RORB: variants seen among roughly 807,000 people sequenced by gnomAD.
RORB encodes the protein RAR related orphan receptor B, also known as nuclear receptor ROR-beta.
In RORB, 6 loss-of-function variants were observed where a neutral mutation model predicts 59.1. The observed-to-expected ratio is 0.10, with a 90% CI of 0.06 to 0.20. The LOEUF (loss-of-function observed/expected upper bound fraction) is 0.20. Among genes scored for constraint, RORB ranks in the 10% least tolerant of loss-of-function variants. The pLI is 1.00. For synonymous variants in RORB, 215 were observed against 204.5 expected, an observed-to-expected ratio of 1.05 and a Z score of -0.44; for missense variants, 320 against 560.5, an observed-to-expected ratio of 0.57 and a Z score of 4.33.
In RORB at chr9:74,497,956, G is replaced by A. The variant is rs778765083; in HGVS notation, c.-21G>A. 3 of 1,611,670 alleles carry A rather than the reference G, an allele frequency of 1.9e-6. No homozygotes were observed. Among genetic ancestry groups the A allele is most frequent in the Non-Finnish European group, 1.7e-6 (2 of 1,179,412 alleles). On this transcript the variant is annotated 5_prime_UTR_variant, in exon 1 of 10. Transcript: ENST00000376896. ...CTGGGAGCAGCTTCATGACTACGCG[G>A]AGCGGGAGAGCGGCCACACCATGCG...
intron 1 of RORB, among the ~76,000 whole-genome samples, chr9:74,585,833 C>T (rs1396051887): frequency 3.1e-5 from 3 of 96,562 alleles, no homozygotes; most frequent in African/African-American, 9.7e-5. Context: ...CTCGCTCTGT[C>T]GCCCAGACTG....
Position 74,671,897 on chromosome 9 carries a change from C to T in RORB, c.1220C>T (p.Ala407Val), listed in dbSNP as rs1332067414. Residue 407 changes from alanine (A) to valine (V), a missense_variant, in exon 9 of 10, where the codon GCA becomes GTA. Ala to Val is a moderately conservative substitution (Grantham distance 64, BLOSUM62 0). Around this residue, in one of 4 missense-constraint regions of RORB, gnomAD observed 109 missense variants for 171.0 expected, o/e 0.64. Coordinates refer to ENST00000376896, the MANE Select transcript of RORB (RefSeq NM_006914.4). Reference sequence around the variant, plus strand: ...AATCACCTGGATGATGAGACCTTGGCAAAGGTAGGTCCACAGATCACAGAG... The same window carrying T: ...AATCACCTGGATGATGAGACCTTGGTAAAGGTAGGTCCACAGATCACAGAG... ...QKNHLDDETL[A>V]KLIAKIPTIT... is the part of the protein sequence containing the mutation. 6 of 1,583,506 alleles carry T rather than the reference C, an allele frequency of 3.8e-6. No individual in the cohort carries two copies. The highest frequency in any genetic ancestry group is 5.2e-6 in the Non-Finnish European group (6 of 1,154,652).
intron 1 of RORB, among the ~76,000 whole-genome samples, chr9:74,568,138 G>A (rs1410881404): frequency 1.3e-5 from 2 of 152,052 alleles, no homozygotes; most frequent in South Asian, 2.1e-4. Flanking sequence ...TGTTAAGTGG[G>A]TACAGTTTTG....
intron 9 of RORB, among the ~76,000 whole-genome samples, chr9:74,681,861 G>T (rs1824552886): frequency 6.6e-6 from 1 of 152,168 alleles, no homozygotes; most frequent in African/African-American, 2.4e-5. Flanking sequence ...AGTAAAATAA[G>T]CAACTTACTT....
chr9:74,633,891 T>C (rs1202020475), intron 2 of RORB, among the ~76,000 whole-genome samples: 3 of 151,960 alleles, frequency 2.0e-5, no homozygotes, highest in South Asian at 2.1e-4. Context: ...TTTTCAATGG[T>C]GTGGTTGATT....
chr9:74,674,817 A>G (rs1824409687), intron 9 of RORB, among the ~76,000 whole-genome samples: 1 of 152,222 alleles, frequency 6.6e-6, no homozygotes, highest in Non-Finnish European at 1.5e-5. Flanking sequence ...ATTATGATAC[A>G]TAGCGTATTT....
At chr9:74,675,231 G>T (rs1200073651) in intron 9 of RORB, among the ~76,000 whole-genome samples, 3 of 151,350 alleles carry the variant, frequency 2.0e-5, no homozygotes, top group African/African-American at 7.3e-5. Flanking sequence ...ATAATAGTTA[G>T]ATTTGGCTGG....
At chr9:74,567,188 G>A (rs1822482118) in intron 1 of RORB, among the ~76,000 whole-genome samples, 1 of 151,934 alleles carries the variant, frequency 6.6e-6, no homozygotes, top group Non-Finnish European at 1.5e-5. Context: ...ACCACACCCG[G>A]CTAATTTTTT....
intron 1 of RORB, among the ~76,000 whole-genome samples, chr9:74,536,258 C>T (rs1826320787): frequency 6.6e-6 from 1 of 151,364 alleles, no homozygotes; most frequent in South Asian, 2.1e-4. Flanking sequence ...TAAAATACTG[C>T]ATTAAAACTG....
In RORB at chr9:74,607,394, T is replaced by C. The variant is rs377121452; in HGVS notation, c.8-22888T>C. ...AGTTGAGGATTGTAACGGTGAGGCT[T>C]GCCACTTTACATAAGCCTAAGTGTC... On this transcript the variant is annotated intron_variant, in intron 1 of 9. Coordinates refer to ENST00000376896, the MANE Select transcript of RORB (RefSeq NM_006914.4). 6.2e-3 allele frequency among the ~76,000 whole-genome samples: 944 copies of C among 152,290 alleles called. 14 individuals are homozygous for C. The highest frequency in any genetic ancestry group is 0.022 in the African/African-American group (906 of 41,556).
intron 1 of RORB, among the ~76,000 whole-genome samples, chr9:74,510,075 G>T (rs1461914016): frequency 1.3e-5 from 2 of 151,964 alleles, no homozygotes; most frequent in Non-Finnish European, 2.9e-5. Flanking sequence ...GATTTTTCAG[G>T]CCTCTTTAAT....
rs1824718598 is a variant in RORB, at chr9:74,690,251, C to T, written c.*4633C>T. 1 of 152,140 alleles carries T rather than the reference C, an allele frequency of 6.6e-6. No individual in the cohort carries two copies. Among genetic ancestry groups the T allele is most frequent in the African/African-American group, 2.4e-5 (1 of 41,398 alleles). 9.4% of individuals were successfully genotyped at this position (152,140 alleles called of 1,614,324 possible). ...GGGGGGTCTTTCAAAAAAAAGCTGACACTCTATTCATTTTTGGGTCTCAGG... is the reference window on the plus strand; with the variant it reads ...GGGGGGTCTTTCAAAAAAAAGCTGATACTCTATTCATTTTTGGGTCTCAGG... On this transcript the variant is annotated 3_prime_UTR_variant, in exon 10 of 10. Transcript: ENST00000376896.
chr9:74,608,095 C>G (rs1049873130), intron 1 of RORB, among the ~76,000 whole-genome samples: 13 of 152,108 alleles, frequency 8.5e-5, no homozygotes, highest in African/African-American at 1.4e-4. Context: ...GTTCTTAACT[C>G]AGGTACTAGA....
rs550767687 is a variant in RORB at position 74,655,555 on chromosome 9, C to T, written c.638-5062C>T. 2.6e-5 allele frequency among the ~76,000 whole-genome samples: 4 copies of T among 152,338 alleles called. No individual in the cohort carries two copies. The South Asian group carries it at 8.3e-4, about 32-fold the overall frequency. On this transcript the variant is annotated intron_variant, in intron 4 of 9. Coordinates refer to ENST00000376896, the MANE Select transcript of RORB (RefSeq NM_006914.4). ...TCAGTCCCTTTTGTCTGGACTTTCT[C>T]ATGTGGTTGGTCCCTAGAGAGGACT...
chr9:74,517,989 C>T (rs940079532), intron 1 of RORB, among the ~76,000 whole-genome samples: 1 of 151,968 alleles, frequency 6.6e-6, no homozygotes, highest in African/African-American at 2.4e-5. Context: ...GAGGTTAAGT[C>T]ATTTGTCCAA....
At chr9:74,608,287 C>G (rs536928494) in intron 1 of RORB, among the ~76,000 whole-genome samples, 30 of 152,094 alleles carry the variant, frequency 2.0e-4, no homozygotes, top group South Asian at 1.0e-3. Context: ...GTTTCTGGGC[C>G]GGGAGCGGTG....
Position 74,668,390 on chromosome 9 carries a change from C to A in RORB, c.1111+489C>A, listed in dbSNP as rs534822872. The stretch of plus-strand genomic sequence containing the variant: ...TTCATGTTGAGGTGCTCACTTCAGA[C>A]AAATGCTGGTGCCTATTTTCTTAGC... On this transcript the variant is annotated intron_variant, in intron 8 of 9. Coordinates refer to ENST00000376896, the MANE Select transcript of RORB (RefSeq NM_006914.4). 3.5e-4 allele frequency among the ~76,000 whole-genome samples: 54 copies of A among 152,294 alleles called. 1 individual carries two copies. The highest frequency in any genetic ancestry group is 1.2e-3 in the African/African-American group (49 of 41,558).
chr9:74,686,346 G>A lies in RORB; in HGVS notation c.*728G>A, dbSNP rs1443467074. On this transcript the variant is annotated 3_prime_UTR_variant, in exon 10 of 10. Coordinates refer to ENST00000376896, the MANE Select transcript of RORB (RefSeq NM_006914.4). ...TACAAAGGAATAAACATAATGTGTG[G>A]CCTCTATATACAAACTCTATTTCTG... The A allele has an allele frequency of 6.6e-6, 1 of 152,582 alleles. No individual in the cohort carries two copies. The highest frequency in any genetic ancestry group is 1.9e-4 in the East Asian group (1 of 5,188). 9.5% of individuals were successfully genotyped at this position (152,582 alleles called of 1,614,324 possible).
At chr9:74,605,858 G>A (rs1479297193) in intron 1 of RORB, among the ~76,000 whole-genome samples, 3 of 152,100 alleles carry the variant, frequency 2.0e-5, no homozygotes, top group Admixed American at 6.5e-5. Flanking sequence ...AATCAGGCTG[G>A]AGAGCGTTTT....
Sources: allele counts gnomAD v4.1 joint callset (sites outside exome capture counted in the v4.1 genomes callset), GRCh38; gene constraint gnomAD v4.1.1; regional missense constraint gnomAD v4.1.1; transcripts MANE v1.5; gene names NCBI Gene and HGNC (gene_info 2026-07-23, HGNC 2026-07-21).